Variants in SERPINB7 observed in about 807,000 individuals in gnomAD.
SERPINB7 encodes the protein serpin family B member 7, also known as serpin B7.
Under a neutral mutation model 37.4 loss-of-function variants are expected in SERPINB7, and 31 were observed. The ratio of observed to expected loss-of-function variants is 0.83; its 90% CI spans 0.62 to 1.12. SERPINB7 has a LOEUF of 1.12. Ranked by LOEUF, SERPINB7 falls within the 50% of genes most tolerant of loss-of-function variation. The pLI is 0.00. For synonymous variants in SERPINB7, 163 were observed against 166.1 expected, an observed-to-expected ratio of 0.98 and a Z score of 0.14; for missense variants, 521 against 455.3, an observed-to-expected ratio of 1.14 and a Z score of -1.31.
At chr18:63,797,336 C>A (rs1199364291) in intron 5 of SERPINB7, among the ~76,000 whole-genome samples, 1 of 152,074 alleles carries the variant, frequency 6.6e-6, no homozygotes, top group Non-Finnish European at 1.5e-5. Flanking sequence ...TCTTTTTATT[C>A]ATTCATTCCT....
At chr18:63,792,502 C>G in intron 3 of SERPINB7, 59 bp downstream of exon 3, 2 of 1,129,248 alleles carry the variant, frequency 1.8e-6, no homozygotes, top group Non-Finnish European at 2.7e-6. Context: ...GGGGCTCAAG[C>G]CTGTAATACC....
upstream of SERPINB7, among the ~76,000 whole-genome samples, chr18:63,771,084 G>C (rs557927247): frequency 6.6e-6 from 1 of 152,032 alleles, no homozygotes; most frequent in Non-Finnish European, 1.5e-5. Context: ...GGTGCTTTAG[G>C]AATGGGGATA....
At chr18:63,758,273 C>A (rs2049132901) in intron 1 of SERPINB7, among the ~76,000 whole-genome samples, 1 of 152,162 alleles carries the variant, frequency 6.6e-6, no homozygotes, top group African/African-American at 2.4e-5. Context: ...ATCCCAATAA[C>A]TAATTATGGC....
intron 4 of SERPINB7, among the ~76,000 whole-genome samples, chr18:63,793,557 G>C (rs1278724492): frequency 6.6e-6 from 1 of 152,198 alleles, no homozygotes; most frequent in African/African-American, 2.4e-5. Context: ...TGGAGGAGCA[G>C]TCAGCCCATT....
At chr18:63,793,301 A>G (rs2049449826) in intron 4 of SERPINB7, 24 bp downstream of exon 4, 2 of 1,210,724 alleles carry the variant, frequency 1.7e-6, no homozygotes, top group Non-Finnish European at 2.4e-6. Flanking sequence ...CCTTTGTTAG[A>G]AGGACCTGAA....
upstream of SERPINB7, among the ~76,000 whole-genome samples, chr18:63,772,585 A>G (rs372964484): frequency 9.2e-5 from 14 of 152,246 alleles, no homozygotes; most frequent in East Asian, 2.3e-3. Flanking sequence ...GGGACCAATT[A>G]CTGCATTTCT....
At chr18:63,755,049 G>A (rs892295856) in intron 1 of SERPINB7, among the ~76,000 whole-genome samples, 1 of 151,922 alleles carries the variant, frequency 6.6e-6, no homozygotes, top group South Asian at 2.1e-4. Context: ...ACAGGCGCCC[G>A]CCACCGCGCC....
chr18:63,758,879 T>A (rs921414886), intron 1 of SERPINB7, among the ~76,000 whole-genome samples: 1 of 152,232 alleles, frequency 6.6e-6, no homozygotes, highest in Non-Finnish European at 1.5e-5. Flanking sequence ...GAGCAAGAAC[T>A]GTGCTGAGTG....
chr18:63,786,210 G>GTATATATATATATA (rs143561199), intron 2 of SERPINB7, among the ~76,000 whole-genome samples: 2 of 64,302 alleles, frequency 3.1e-5, no homozygotes, highest in African/African-American at 1.1e-4. Context: ...GCACATACGT[G>GTATATATATATATA]TATATATATA....
chr18:63,783,570 C>T (rs1305973281), intron 2 of SERPINB7, among the ~76,000 whole-genome samples: 2 of 152,172 alleles, frequency 1.3e-5, no homozygotes, highest in Non-Finnish European at 2.9e-5. Flanking sequence ...CCACCTTCAC[C>T]GCCACCTTCA....
rs369582234 is a variant in SERPINB7 at position 63,759,246 on chromosome 18, TAA to T, written c.-19+6137_-19+6138del. ...TTTCCAAGTGATTTGTAATCTGAAT[TAA>T]AAAAAAAAAAGTGAGTAGGCAAGGG... On this transcript the variant is annotated intron_variant, in intron 1 of 7. Coordinates refer to the SERPINB7 transcript ENST00000336429. 4.5e-4 allele frequency among the ~76,000 whole-genome samples: 65 copies of T among 144,802 alleles called. 1 individual carries two copies. In the South Asian group the frequency reaches 0.011, roughly 24 times the overall value. 95.0% of individuals were successfully genotyped at this position (144,802 alleles called of 152,430 possible). A position where few individuals can be genotyped will look rare whatever the true frequency, so the allele number is the denominator to read the frequency against.
upstream of SERPINB7, among the ~76,000 whole-genome samples, chr18:63,772,111 G>C (rs1274765134): frequency 6.6e-6 from 1 of 152,040 alleles, no homozygotes; most frequent in Non-Finnish European, 1.5e-5. Context: ...GGAGAAGGGA[G>C]AGGATCAACT....
chr18:63,768,940 A>G (rs952750104), intron 1 of SERPINB7, among the ~76,000 whole-genome samples: 3 of 152,142 alleles, frequency 2.0e-5, no homozygotes, highest in Non-Finnish European at 2.9e-5. Flanking sequence ...TAAAAAAAGG[A>G]CTAGTATTCC....
chr18:63,772,107 G>A (rs949789620), upstream of SERPINB7, among the ~76,000 whole-genome samples: 2 of 152,054 alleles, frequency 1.3e-5, no homozygotes, highest in Admixed American at 6.6e-5. Context: ...GGCGGGAGAA[G>A]GGAGAGGATC....
At chr18:63,783,633 G>A (rs2049336178) in intron 2 of SERPINB7, among the ~76,000 whole-genome samples, 1 of 152,164 alleles carries the variant, frequency 6.6e-6, no homozygotes, top group African/African-American at 2.4e-5. Context: ...ACTTTATAGG[G>A]AAGTGGAATG....
At chr18:63,796,904 A>G (rs1455514291) in intron 5 of SERPINB7, among the ~76,000 whole-genome samples, 2 of 152,160 alleles carry the variant, frequency 1.3e-5, no homozygotes, top group Non-Finnish European at 1.5e-5. Flanking sequence ...TTCTACTGTC[A>G]AAGAAATGTA....
intron 1 of SERPINB7, among the ~76,000 whole-genome samples, chr18:63,755,198 C>T (rs1848029): frequency 0.92 from 135,900 of 147,536 alleles, 63,063 homozygotes; most frequent in East Asian, 0.98. Flanking sequence ...GCCACCGCGC[C>T]CGGCCTAAAC....
chr18:63,790,049 T>G (rs999985769), intron 2 of SERPINB7, among the ~76,000 whole-genome samples: 2 of 152,224 alleles, frequency 1.3e-5, no homozygotes, highest in East Asian at 3.8e-4. Flanking sequence ...ATAGTCACTA[T>G]TGAAATAAAA....
chr18:63,780,723 G>A lies in SERPINB7; in HGVS notation c.-18-1632G>A, dbSNP rs112762241. ...GGTGTGAATGATTTTCTCACCTTAT[G>A]TGCCTAGGGTGTAACTGAGGAGTAT... On this transcript the variant is annotated intron_variant, in intron 1 of 7. Transcript: ENST00000398019. Among the ~76,000 whole-genome samples the A allele has an allele frequency of 5.7e-4, 87 of 152,302 alleles. 1 individual carries two copies. Among genetic ancestry groups the A allele is most frequent in the African/African-American group, 2.1e-3 (86 of 41,566 alleles).
Sources: gnomAD v4.1 joint callset for allele counts (sites outside exome capture counted in the v4.1 genomes callset) on GRCh38, gnomAD v4.1.1 for gene constraint, MANE v1.5 for transcripts, NCBI Gene and HGNC (gene_info 2026-07-23, HGNC 2026-07-21) for gene names.